Variants in PRKDC observed in about 807,000 individuals in gnomAD.
PRKDC encodes protein kinase, DNA-activated, catalytic subunit, also known as DNA-dependent protein kinase catalytic subunit.
In PRKDC, 82 loss-of-function variants were observed where a neutral mutation model predicts 486.9. That is an observed-to-expected ratio of 0.17 (90% CI 0.14 to 0.20). The LOEUF is 0.20. PRKDC is among the 10% of genes least tolerant of loss of function. The probability of loss-of-function intolerance (pLI) is 1.00; values close to 1 mark genes in which losing one functional copy is unlikely to be tolerated. For synonymous variants in PRKDC, 1,895 were observed against 1,837.0 expected (o/e 1.03, Z -0.81); for missense variants, 4,504 against 5,038.2 (o/e 0.89, Z 3.21).
At chr8:47,912,334 C>G in intron 25 of PRKDC, 76 bp downstream of exon 25, 2 of 1,399,730 alleles carry the variant, frequency 1.4e-6, no homozygotes, top group Admixed American at 5.3e-5. Flanking sequence ...GGTAATTCCA[C>G]TGCTCTGCTG....
At chr8:47,909,459 A>G (rs1484928653) in intron 25 of PRKDC, among the ~76,000 whole-genome samples, 2 of 152,146 alleles carry the variant, frequency 1.3e-5, no homozygotes, top group African/African-American at 2.4e-5. Context: ...CAGGACCACT[A>G]CCGTACAAAT....
At chr8:47,821,559 C>T in intron 65 of PRKDC, 45 bp downstream of exon 65, 2 of 1,522,920 alleles carry the variant, frequency 1.3e-6, no homozygotes. Flanking sequence ...TAGAAAACAC[C>T]TATCTAAAAT....
intron 12 of PRKDC, among the ~76,000 whole-genome samples, 160 bp from the exon 13 acceptor site, chr8:47,936,060 C>T (rs1157873424): frequency 4.0e-5 from 6 of 151,198 alleles, no homozygotes; most frequent in Admixed American, 3.3e-4. Flanking sequence ...ACTGTGATTG[C>T]CTTAAAAAAA....
intron 21 of PRKDC, among the ~76,000 whole-genome samples, chr8:47,921,454 A>G (rs1328761275): frequency 6.6e-6 from 1 of 152,138 alleles, no homozygotes; most frequent in Admixed American, 6.6e-5. Flanking sequence ...GGGTACTTTG[A>G]TAATTTCTAA....
intron 72 of PRKDC, 72 bp from the exon 73 acceptor site, chr8:47,798,469 T>G (rs1295342436): frequency 7.0e-7 from 1 of 1,421,264 alleles, no homozygotes; most frequent in Non-Finnish European, 9.3e-7. Context: ...TGTTAAATGC[T>G]AACACTTTCC....
intron 10 of PRKDC, 94 bp from the exon 11 acceptor site, chr8:47,939,791 A>G: frequency 9.2e-7 from 1 of 1,084,224 alleles, no homozygotes; most frequent in Non-Finnish European, 1.3e-6. Flanking sequence ...GATGCTACTA[A>G]TGTACTGTTA....
At chr8:47,911,404 T>A (rs1221984076) in intron 25 of PRKDC, among the ~76,000 whole-genome samples, 2 of 152,250 alleles carry the variant, frequency 1.3e-5, no homozygotes, top group Non-Finnish European at 2.9e-5. Flanking sequence ...GTGAAACTAC[T>A]CCTAGTTTAT....
chr8:47,809,254 A>G (rs2087640701), intron 68 of PRKDC, among the ~76,000 whole-genome samples: 1 of 151,806 alleles, frequency 6.6e-6, no homozygotes, highest in African/African-American at 2.4e-5. Context: ...CTTGCTGGCC[A>G]TTTCCTGTTC....
rs778090260 is a variant in PRKDC at position 47,831,949 on chromosome 8, G to C, written c.8153-23C>G. 8.2e-6 allele frequency: 13 copies of C among 1,595,062 alleles called. No individual in the cohort carries two copies. In the African/African-American group the frequency reaches 1.7e-4, roughly 21 times the overall value. On this transcript the variant is annotated intron_variant, in intron 59 of 85. Coordinates refer to ENST00000314191, the MANE Select transcript of PRKDC (RefSeq NM_006904.7). ...CACCTGGAGAGGGAAAGCAGGCCCA[G>C]TTACTCCCCGCCGCCCAGACACTTG...
intron 48 of PRKDC, among the ~76,000 whole-genome samples, chr8:47,857,835 G>A (rs940897873): frequency 6.6e-6 from 1 of 152,130 alleles, no homozygotes; most frequent in Non-Finnish European, 1.5e-5. Flanking sequence ...GACCTTCTAC[G>A]GAGCCAAGTG....
chr8:47,932,593 T>G (rs2090276334), intron 16 of PRKDC, among the ~76,000 whole-genome samples: 1 of 152,146 alleles, frequency 6.6e-6, no homozygotes, highest in Admixed American at 6.5e-5. Context: ...TTATTTCTCT[T>G]CCTATTATCT....
At chr8:47,863,639 A>G (rs2088730150) in intron 41 of PRKDC, 62 bp from the exon 42 acceptor site, 1 of 1,346,686 alleles carries the variant, frequency 7.4e-7, no homozygotes. Context: ...ATCTTATAGA[A>G]TATATCAAAT....
chr8:47,784,325 T>C (rs942584153), intron 77 of PRKDC, among the ~76,000 whole-genome samples: 2 of 152,140 alleles, frequency 1.3e-5, no homozygotes, highest in African/African-American at 4.8e-5. Context: ...TCTAATAGCA[T>C]GGACAAATCC....
intron 84 of PRKDC, 96 bp from the exon 85 acceptor site, chr8:47,777,079 A>C (rs2086621730): frequency 3.5e-6 from 5 of 1,430,532 alleles, no homozygotes; most frequent in Non-Finnish European, 4.7e-6. Context: ...AAAGTAAACA[A>C]ACATCTATAA....
chr8:47,883,905 G>T (rs1306797913), intron 36 of PRKDC, among the ~76,000 whole-genome samples: 1 of 152,228 alleles, frequency 6.6e-6, no homozygotes, highest in Admixed American at 6.5e-5. Flanking sequence ...CTGCCTGGAA[G>T]CGCTGTGCAG....
intron 14 of PRKDC, 22 bp downstream of exon 14, chr8:47,934,987 A>C (rs1432734568): frequency 5.4e-6 from 8 of 1,481,960 alleles, no homozygotes; most frequent in Middle Eastern, 1.7e-4. Context: ...TTAATTTTCT[A>C]AACATTAAAT....
In PRKDC at chr8:47,789,144, T is replaced by C. The variant is rs371438183; in HGVS notation, c.10758+7A>G. 1 of 1,613,092 alleles carries C rather than the reference T, an allele frequency of 6.2e-7. No homozygotes were observed. The highest frequency in any genetic ancestry group is 8.5e-7 in the Non-Finnish European group (1 of 1,179,418). Reference sequence around the variant, plus strand: ...GTTTTATGTGCCAGAAGCCGTTCTATCATTACCTTAAAGAGCAGTTCAGGA... The same window carrying C: ...GTTTTATGTGCCAGAAGCCGTTCTACCATTACCTTAAAGAGCAGTTCAGGA... On this transcript the variant is annotated splice_region_variant and intron_variant, in intron 75 of 85. Coordinates refer to ENST00000314191, the MANE Select transcript of PRKDC (RefSeq NM_006904.7).
chr8:47,774,405 C>T, intron 85 of PRKDC, 28 bp from the exon 86 acceptor site: 4 of 1,600,754 alleles, frequency 2.5e-6, no homozygotes, highest in Non-Finnish European at 3.4e-6. Flanking sequence ...ACAGAAAACA[C>T]AAAGCATGTG....
Position 47,840,101 on chromosome 8 carries a change from G to C in PRKDC, c.7369C>G (p.Pro2457Ala), listed in dbSNP as rs763641731. Residue 2457 changes from proline (P) to alanine (A), a missense_variant, in exon 55 of 86, where the codon CCC (proline) becomes GCC (alanine). Physicochemically the swap from Pro to Ala is conservative, Grantham distance 27. Transcript: ENST00000314191. ...KPVELRELLNPVVEFVSHPST... is the reference protein window; with the variant it reads ...KPVELRELLNAVVEFVSHPST... ...GGATGGGAAACGAATTCCACAACGG[G>C]GTTCAGAAGTTCTCGGAGTTCTACT... 2 of 1,586,424 alleles carry C rather than the reference G, an allele frequency of 1.3e-6. No individual in the cohort carries two copies. The highest frequency in any genetic ancestry group is 2.3e-5 in the East Asian group (1 of 44,380).
Sources: allele counts gnomAD v4.1 joint callset (sites outside exome capture counted in the v4.1 genomes callset), GRCh38; gene constraint gnomAD v4.1.1; transcripts MANE v1.5; gene names NCBI Gene and HGNC (gene_info 2026-07-23, HGNC 2026-07-21).